The following CSNK1G1 variants were observed in gnomAD, a reference collection of about 807,000 sequenced individuals.
CSNK1G1 encodes casein kinase 1 gamma 1, also known as casein kinase I isoform gamma-1.
A neutral mutation model predicts 59.6 loss-of-function variants in CSNK1G1; 22 were observed. The ratio of observed to expected loss-of-function variants is 0.37; its 90% CI spans 0.26 to 0.53. CSNK1G1 has a LOEUF of 0.53. CSNK1G1 is among the 20% of genes least tolerant of loss of function. The pLI, the probability that CSNK1G1 is intolerant of heterozygous loss-of-function variation, is 0.89. For missense variants in CSNK1G1, 384 were observed against 519.5 expected (o/e 0.74, Z 2.54); for synonymous variants, 179 against 177.1 (o/e 1.01, Z -0.08).
At position 64,232,741 on chromosome 15, in the gene CSNK1G1, T is replaced by A. The variant is rs114024595; in HGVS notation, c.293-16028A>T. On this transcript the variant is annotated intron_variant, in intron 4 of 11. Coordinates refer to ENST00000303052, the MANE Select transcript of CSNK1G1 (RefSeq NM_022048.5). ...GTCTTTGACCTCCTTAAACAAGCAT[T>A]CTCTAACGGCAGCCACTAAAAGCTC... 1.2e-3 allele frequency among the ~76,000 whole-genome samples: 180 copies of A among 152,190 alleles called. 1 individual carries two copies. Among genetic ancestry groups the A allele is most frequent in the African/African-American group, 4.2e-3 (176 of 41,534 alleles).
chr15:64,265,251 G>A (rs910739804), intron 2 of CSNK1G1, among the ~76,000 whole-genome samples: 2 of 152,224 alleles, frequency 1.3e-5, no homozygotes, highest in East Asian at 3.9e-4. Flanking sequence ...GAATATAATC[G>A]GAGCACACAG....
rs1040484966 is a variant in CSNK1G1, at chr15:64,214,584, T to C, written c.445-460A>G. 3.9e-5 allele frequency among the ~76,000 whole-genome samples: 6 copies of C among 152,208 alleles called. No individual in the cohort carries two copies. The highest frequency in any genetic ancestry group is 1.4e-4 in the African/African-American group (6 of 41,452). ...CAAGACTACCCAACCCAGTTTTCGA[T>C]GTTGTGAGGCCCAGAGAAGTTAATA... On this transcript the variant is annotated intron_variant, in intron 5 of 11. Coordinates refer to ENST00000303052, the MANE Select transcript of CSNK1G1 (RefSeq NM_022048.5). The surrounding 1 kb of genome is among the most constrained non-coding windows in gnomAD (Gnocchi z 4.3).
intron 1 of CSNK1G1, among the ~76,000 whole-genome samples, chr15:64,305,928 C>T (rs570225880): frequency 6.6e-6 from 1 of 152,148 alleles, no homozygotes; most frequent in South Asian, 2.1e-4. Flanking sequence ...AACAATTAGA[C>T]ATATATTTGC....
At chr15:64,181,055 A>T in intron 10 of CSNK1G1, 1 of 1,114,406 alleles carries the variant, frequency 9.0e-7, no homozygotes, top group Non-Finnish European at 1.2e-6. Flanking sequence ...ATAAATAATC[A>T]CACTTTCCTT....
chr15:64,237,130 A>T (rs2082626771), intron 4 of CSNK1G1, among the ~76,000 whole-genome samples: 1 of 152,110 alleles, frequency 6.6e-6, no homozygotes, highest in Non-Finnish European at 1.5e-5. Flanking sequence ...ATGGTGAGGG[A>T]GTGGGAGGGG....
intron 11 of CSNK1G1, among the ~76,000 whole-genome samples, chr15:64,178,556 A>C (rs1483514331): frequency 6.2e-5 from 9 of 145,694 alleles, no homozygotes; most frequent in Non-Finnish European, 1.3e-4. Context: ...ATCTCGACTC[A>C]CCACAACCCC....
chr15:64,251,670 C>A, intron 3 of CSNK1G1, 89 bp from the exon 4 acceptor site: 2 of 867,058 alleles, frequency 2.3e-6, no homozygotes, highest in South Asian at 1.4e-5. Context: ...GGGCTAAGAT[C>A]ACCCAATGTT....
intron 1 of CSNK1G1, among the ~76,000 whole-genome samples, chr15:64,351,922 A>C (rs752604158): frequency 1.3e-4 from 20 of 152,182 alleles, no homozygotes; most frequent in African/African-American, 4.8e-4. Flanking sequence ...TTTGAGAAGA[A>C]GACAGGGGAA....
intron 2 of CSNK1G1, among the ~76,000 whole-genome samples, chr15:64,266,391 T>TA (rs556665140): frequency 1.3e-5 from 2 of 151,512 alleles, no homozygotes; most frequent in South Asian, 2.1e-4. Context: ...CCTTGTCTCT[T>TA]AAAAAAAATA....
chr15:64,302,463 T>C (rs1029007123), intron 1 of CSNK1G1, among the ~76,000 whole-genome samples: 1 of 152,108 alleles, frequency 6.6e-6, no homozygotes, highest in Non-Finnish European at 1.5e-5. Context: ...TGCTTTACAA[T>C]AGATTTACAT....
intron 10 of CSNK1G1, among the ~76,000 whole-genome samples, chr15:64,199,256 A>T (rs1309695576): frequency 6.8e-6 from 1 of 147,352 alleles, no homozygotes; most frequent in Non-Finnish European, 1.5e-5. Context: ...TTCTCAAAAA[A>T]AAAAAAAAAA....
At chr15:64,290,054 A>G (rs1894652400) in intron 2 of CSNK1G1, among the ~76,000 whole-genome samples, 5 of 152,188 alleles carry the variant, frequency 3.3e-5, no homozygotes, top group Admixed American at 2.6e-4. Context: ...AAAAAGTCAA[A>G]AAATAAAAGA....
intron 2 of CSNK1G1, among the ~76,000 whole-genome samples, chr15:64,291,134 A>G (rs1174094030): frequency 6.6e-6 from 1 of 152,260 alleles, no homozygotes; most frequent in Non-Finnish European, 1.5e-5. Context: ...TAACAAGGTT[A>G]CAAATATATA....
chr15:64,225,010 T>A (rs1057128616), intron 4 of CSNK1G1, among the ~76,000 whole-genome samples: 1 of 149,112 alleles, frequency 6.7e-6, no homozygotes, highest in African/African-American at 2.5e-5. Context: ...ACTTTTCTTT[T>A]TTTTTTTTTT....
At chr15:64,336,097 C>T (rs1310211170) in intron 1 of CSNK1G1, among the ~76,000 whole-genome samples, 1 of 152,190 alleles carries the variant, frequency 6.6e-6, no homozygotes, top group Non-Finnish European at 1.5e-5. Context: ...CCAAACTATT[C>T]TATGGAACTC....
intron 10 of CSNK1G1, among the ~76,000 whole-genome samples, chr15:64,196,214 C>T (rs775300748): frequency 1.3e-5 from 2 of 151,570 alleles, no homozygotes; most frequent in African/African-American, 4.9e-5. Context: ...GAGATCCCAT[C>T]TCTATTAAAA....
intron 2 of CSNK1G1, among the ~76,000 whole-genome samples, chr15:64,259,525 T>C (rs528575792): frequency 0.013 from 1,391 of 107,332 alleles, 5 homozygotes; most frequent in Non-Finnish European, 0.018. Context: ...CACACACACA[T>C]GCATGCATAT....
chr15:64,311,145 C>T (rs753928873), intron 1 of CSNK1G1, among the ~76,000 whole-genome samples: 14 of 151,910 alleles, frequency 9.2e-5, no homozygotes, highest in Admixed American at 6.6e-5. Context: ...CTTCCACCTC[C>T]CGGGATTCTC....
chr15:64,178,320 C>A (rs1435009270), intron 11 of CSNK1G1, among the ~76,000 whole-genome samples: 1 of 152,010 alleles, frequency 6.6e-6, no homozygotes, highest in Admixed American at 6.6e-5. Flanking sequence ...CCAGCATAAC[C>A]CTCACCCCCT....
Sources: allele counts gnomAD v4.1 joint callset (sites outside exome capture counted in the v4.1 genomes callset), GRCh38; gene constraint gnomAD v4.1.1; non-coding constraint Gnocchi (gnomAD v3.1); transcripts MANE v1.5; gene names NCBI Gene and HGNC (gene_info 2026-07-23, HGNC 2026-07-21).